Variants in HIC2 observed in about 807,000 individuals in gnomAD.
The protein encoded by HIC2 is HIC ZBTB transcriptional repressor 2.
In HIC2, 2 loss-of-function variants were observed where a neutral mutation model predicts 39.5. That is an observed-to-expected ratio of 0.05 (90% CI 0.02 to 0.16). The LOEUF (loss-of-function observed/expected upper bound fraction) is 0.16. Ranked by LOEUF, HIC2 falls within the 10% of genes least tolerant of loss-of-function variation. HIC2 has a pLI of 1.00. For synonymous variants in HIC2, 399 were observed against 368.8 expected, an observed-to-expected ratio of 1.08 and a Z score of -0.94; for missense variants, 713 against 863.5, an observed-to-expected ratio of 0.83 and a Z score of 2.18.
At chr22:21,431,963 C>T (rs1362863799) in intron 1 of HIC2, among the ~76,000 whole-genome samples, 1 of 136,900 alleles carries the variant, frequency 7.3e-6, no homozygotes, top group African/African-American at 2.6e-5. Flanking sequence ...AGAGCAAGAC[C>T]CTGTCTCCAA....
rs1427718351 is a variant in HIC2, at chr22:21,446,022, G to A, written c.1127G>A (p.Gly376Asp). 1 of 1,584,818 alleles carries A rather than the reference G, an allele frequency of 6.3e-7. No individual in the cohort carries two copies. Among genetic ancestry groups the A allele is most frequent in the South Asian group, 1.1e-5 (1 of 88,016 alleles). ...GGGGTCGGGGACAGGGTTCCCAATG[G>A]CATCCTGGCTAGTGGGGCTGGCCCT... ...GEGVGDRVPNGILASGAGPSG... is the reference protein window; with the variant it reads ...GEGVGDRVPNDILASGAGPSG... Residue 376 changes from glycine (G) to aspartate (D), a missense_variant, in exon 3 of 3, where the codon GGC becomes GAC. By Grantham distance (94) the Gly-to-Asp change is moderately conservative. This residue lies in a region of HIC2 where 457 missense variants were observed against 420.2 expected (regional missense o/e 1.09). Coordinates refer to ENST00000407464, the MANE Select transcript of HIC2 (RefSeq NM_015094.3).
At position 21,451,081 on chromosome 22, in the gene HIC2, C is replaced by G. The variant is rs1472694071; in HGVS notation, c.*4338C>G. On this transcript the variant is annotated 3_prime_UTR_variant, in exon 3 of 3. Transcript: ENST00000407464. The stretch of plus-strand genomic sequence containing the variant: ...TAGCTTCCCTCTGCCCTCTCCCACC[C>G]CGGGGGGGACCCAGGTTGGGCACTG... The G allele has an allele frequency of 1.3e-5, 2 of 152,664 alleles. No homozygotes were observed. The highest frequency in any genetic ancestry group is 4.8e-5 in the African/African-American group (2 of 41,424). 9.5% of individuals were successfully genotyped at this position (152,664 alleles called of 1,614,324 possible). A position where few individuals can be genotyped will look rare whatever the true frequency, so the allele number is the denominator to read the frequency against.
At position 21,446,153 on chromosome 22, in the gene HIC2, C is replaced by A. The variant is rs1235663645; in HGVS notation, c.1258C>A (p.His420Asn). The change falls in exon 3 of 3, where the codon CAT becomes AAT. Residue 420 changes from histidine (H) to asparagine (N), a missense_variant. Physicochemically the swap from His to Asn is moderately conservative, Grantham distance 68. Coordinates refer to ENST00000407464, the MANE Select transcript of HIC2 (RefSeq NM_015094.3). ...AQSGSEGGSG[H>N]ASAHYMYRQE... ...GAGCGGGAGCGAGGGGGGCAGCGGC[C>A]ATGCCAGCGCCCACTACATGTACCG... The A allele has an allele frequency of 6.2e-7, 1 of 1,609,144 alleles. No individual in the cohort carries two copies. Among genetic ancestry groups the A allele is most frequent in the African/African-American group, 1.3e-5 (1 of 74,940 alleles).
intron 2 of HIC2, among the ~76,000 whole-genome samples, chr22:21,443,158 G>C (rs1038204116): frequency 2.0e-5 from 3 of 152,198 alleles, no homozygotes; most frequent in African/African-American, 7.2e-5. Context: ...GGTGGGTTGA[G>C]GCGGGCAGGG....
At chr22:21,438,076 CG>C (rs1301853257) in intron 1 of HIC2, among the ~76,000 whole-genome samples, 1 of 149,582 alleles carries the variant, frequency 6.7e-6, no homozygotes, top group African/African-American at 2.5e-5. Context: ...GAGGGCTAGG[CG>C]GGATGGCCTG....
chr22:21,449,209 T>C lies in HIC2; in HGVS notation c.*2466T>C, dbSNP rs1924030405. ...GGCGGGGCGGGATTAACACAACATT[T>C]GGCTTTGTTTTCTTTTTCCTTTGAT... On this transcript the variant is annotated 3_prime_UTR_variant, in exon 3 of 3. Transcript: ENST00000407464. 1 of 152,776 alleles carries C rather than the reference T, an allele frequency of 6.5e-6. No homozygotes were observed. The highest frequency in any genetic ancestry group is 2.1e-4 in the South Asian group (1 of 4,838). 9.5% of individuals were successfully genotyped at this position (152,776 alleles called of 1,614,324 possible). A position where few individuals can be genotyped will look rare whatever the true frequency, so the allele number is the denominator to read the frequency against.
chr22:21,446,869 GC>G lies in HIC2; in HGVS notation c.*131del, dbSNP rs1381401890. The G allele has an allele frequency of 1.6e-6, 2 of 1,262,658 alleles. No homozygotes were observed. Among genetic ancestry groups the G allele is most frequent in the East Asian group, 2.5e-5 (1 of 39,510 alleles). The allele number at this position is 1,262,658 out of a possible 1,614,324, so 78.2% of individuals were successfully genotyped here. On this transcript the variant is annotated 3_prime_UTR_variant, in exon 3 of 3. Transcript: ENST00000407464. The stretch of plus-strand genomic sequence containing the variant: ...GTGGAGGCTCCGGGTGGCCCCTCTG[GC>G]CCCCACTGCCCACACCCAGAGCTTT...
rs1037820335 is a variant in HIC2 at position 21,446,740 on chromosome 22, C to T, written c.1845C>T (p.Ser615=). ...ISHLRMHTSP[S] ...ACCTGCGCATGCACACCTCCCCCTCCTAGAAGCCAAAGACCCGCGGGCGCC... is the reference window on the plus strand; with the variant it reads ...ACCTGCGCATGCACACCTCCCCCTCTTAGAAGCCAAAGACCCGCGGGCGCC... Residue 615 remains serine, a synonymous_variant, in exon 3 of 3, where the codon TCC becomes TCT. Coordinates refer to ENST00000407464, the MANE Select transcript of HIC2 (RefSeq NM_015094.3). 6.3e-7 allele frequency: 1 copy of T among 1,597,416 alleles called. No individual in the cohort carries two copies. The highest frequency in any genetic ancestry group is 8.6e-7 in the Non-Finnish European group (1 of 1,168,360).
intron 1 of HIC2, among the ~76,000 whole-genome samples, chr22:21,432,057 G>C (rs1923333010): frequency 8.1e-6 from 1 of 122,904 alleles, no homozygotes; most frequent in Admixed American, 9.4e-5. Context: ...CTTGATCCTT[G>C]ATCTTTGGCT....
rs1601337971 is a variant in HIC2, at chr22:21,447,122, A to C, written c.*379A>C. 8.4e-6 allele frequency: 2 copies of C among 238,138 alleles called. No homozygotes were observed. Among genetic ancestry groups the C allele is most frequent in the Non-Finnish European group, 8.3e-6 (1 of 120,660 alleles). 14.8% of individuals were successfully genotyped at this position (238,138 alleles called of 1,614,324 possible). A position where few individuals can be genotyped will look rare whatever the true frequency, so the allele number is the denominator to read the frequency against. ...CAGGGTGGTGTCGGGAGCAGGCCTC[A>C]CCCCGCTGGCCGTGTCTGTGTGTGT... On this transcript the variant is annotated 3_prime_UTR_variant, in exon 3 of 3. Coordinates refer to ENST00000407464, the MANE Select transcript of HIC2 (RefSeq NM_015094.3).
At position 21,447,048 on chromosome 22, in the gene HIC2, C is replaced by G. The variant is rs1923887567; in HGVS notation, c.*305C>G. The G allele has an allele frequency of 2.6e-6, 1 of 384,970 alleles. No homozygotes were observed. The highest frequency in any genetic ancestry group is 4.7e-6 in the Non-Finnish European group (1 of 212,822). 23.8% of individuals were successfully genotyped at this position (384,970 alleles called of 1,614,324 possible). A position where few individuals can be genotyped will look rare whatever the true frequency, so the allele number is the denominator to read the frequency against. Reference sequence around the variant, plus strand: ...CGTGGGTCTCGCTGGGACCTGGTCCCTTTGTTGCAGGCGGCTTGGAGAAAG... The same window carrying G: ...CGTGGGTCTCGCTGGGACCTGGTCCGTTTGTTGCAGGCGGCTTGGAGAAAG... On this transcript the variant is annotated 3_prime_UTR_variant, in exon 3 of 3. Coordinates refer to ENST00000407464, the MANE Select transcript of HIC2 (RefSeq NM_015094.3).
chr22:21,432,616 C>T (rs1442753197), intron 1 of HIC2, among the ~76,000 whole-genome samples: 6 of 107,210 alleles, frequency 5.6e-5, no homozygotes, highest in Non-Finnish European at 7.0e-5. Flanking sequence ...GCGGAGGTTG[C>T]GGTGAGCCGA....
Position 21,417,387 on chromosome 22 carries a change from G to A in HIC2, c.-247G>A, listed in dbSNP as rs1189537490. On this transcript the variant is annotated 5_prime_UTR_variant, in exon 1 of 3. Transcript: ENST00000407464. ...GCCGACGTCACAAGCTTCCAAGATG[G>A]CGCTGGGCGGGCGGCTGTGAGCGGC... is the stretch of plus-strand genomic sequence containing the variant. 2 of 148,928 alleles carry A rather than the reference G, an allele frequency of 1.3e-5. No homozygotes were observed. Among genetic ancestry groups the A allele is most frequent in the Non-Finnish European group, 3.0e-5 (2 of 66,392 alleles). The allele number at this position is 148,928 out of a possible 1,614,324, so 9.2% of individuals were successfully genotyped here.
chr22:21,445,964 C>A lies in HIC2; in HGVS notation c.1069C>A (p.Pro357Thr). The A allele has an allele frequency of 6.4e-7, 1 of 1,562,674 alleles. No homozygotes were observed. Among genetic ancestry groups the A allele is most frequent in the Non-Finnish European group, 8.6e-7 (1 of 1,157,970 alleles). ...CCCCTTTGAGCGGAGAGAAGCAGGG[C>A]CCAAGGGTCCCTGCCCGGGAGAGGA... is the stretch of plus-strand genomic sequence containing the variant. ...GSPFERREAG[P>T]KGPCPGEEGE... The change falls in exon 3 of 3, where the codon CCC becomes ACC. Residue 357 changes from proline to threonine, a missense_variant. Pro to Thr is a conservative substitution (Grantham distance 38). Transcript: ENST00000407464.
Position 21,446,975 on chromosome 22 carries a change from G to A in HIC2, c.*232G>A, listed in dbSNP as rs943964657. ...CCGTCTACCTCCCCATCCCACCCAGGCCCCCAGCTCCCCGCGGGGGCCACC... is the reference window on the plus strand; with the variant it reads ...CCGTCTACCTCCCCATCCCACCCAGACCCCCAGCTCCCCGCGGGGGCCACC... On this transcript the variant is annotated 3_prime_UTR_variant, in exon 3 of 3. Coordinates refer to ENST00000407464, the MANE Select transcript of HIC2 (RefSeq NM_015094.3). 1.5e-5 allele frequency: 9 copies of A among 605,534 alleles called. No homozygotes were observed. In the African/African-American group the frequency reaches 1.7e-4, roughly 11 times the overall value. The allele number at this position is 605,534 out of a possible 1,614,324, so 37.5% of individuals were successfully genotyped here.
Position 21,451,045 on chromosome 22 carries a change from C to G in HIC2, c.*4302C>G, listed in dbSNP as rs2148349710. On this transcript the variant is annotated 3_prime_UTR_variant, in exon 3 of 3. Coordinates refer to ENST00000407464, the MANE Select transcript of HIC2 (RefSeq NM_015094.3). ...AGGTGCTGAGGGGAGCCTCTCTACCCCACCCATCACTAGCTTCCCTCTGCC... is the reference window on the plus strand; with the variant it reads ...AGGTGCTGAGGGGAGCCTCTCTACCGCACCCATCACTAGCTTCCCTCTGCC... 1 of 152,868 alleles carries G rather than the reference C, an allele frequency of 6.5e-6. No individual in the cohort carries two copies. The allele number at this position is 152,868 out of a possible 1,614,324, so 9.5% of individuals were successfully genotyped here.
Position 21,446,260 on chromosome 22 carries a change from G to A in HIC2, c.1365G>A (p.Glu455=), listed in dbSNP as rs530869455. The A allele has an allele frequency of 6.8e-6, 11 of 1,613,302 alleles. No individual in the cohort carries two copies. The South Asian group carries it at 1.2e-4, about 18-fold the overall frequency. The change falls in exon 3 of 3, where the codon GAG becomes GAA. Residue 455 remains glutamate, a synonymous_variant. Transcript: ENST00000407464. ...IPCAKGFPSS[E]QLNAHVETHT... is the part of the protein sequence containing the mutation. The stretch of plus-strand genomic sequence containing the variant: ...GCGCCAAGGGCTTCCCCAGCTCTGA[G>A]CAGCTCAATGCGCACGTGGAGACTC...
chr22:21,446,946 C>T lies in HIC2; in HGVS notation c.*203C>T, dbSNP rs932020287. On this transcript the variant is annotated 3_prime_UTR_variant, in exon 3 of 3. Transcript: ENST00000407464. ...CCGAGAGGAGGGAAGCCAGGGGTCC[C>T]AGCCCGTCTACCTCCCCATCCCACC... 5 of 744,590 alleles carry T rather than the reference C, an allele frequency of 6.7e-6. No individual in the cohort carries two copies. Among genetic ancestry groups the T allele is most frequent in the Non-Finnish European group, 1.0e-5 (5 of 481,572 alleles). 46.1% of individuals were successfully genotyped at this position (744,590 alleles called of 1,614,324 possible).
chr22:21,451,059 C>G lies in HIC2; in HGVS notation c.*4316C>G, dbSNP rs889563143. 6.5e-6 allele frequency: 1 copy of G among 152,710 alleles called. No individual in the cohort carries two copies. Among genetic ancestry groups the G allele is most frequent in the Non-Finnish European group, 1.5e-5 (1 of 68,028 alleles). The allele number at this position is 152,710 out of a possible 1,614,324, so 9.5% of individuals were successfully genotyped here. Reference sequence around the variant, plus strand: ...GCCTCTCTACCCCACCCATCACTAGCTTCCCTCTGCCCTCTCCCACCCCGG... The same window carrying G: ...GCCTCTCTACCCCACCCATCACTAGGTTCCCTCTGCCCTCTCCCACCCCGG... On this transcript the variant is annotated 3_prime_UTR_variant, in exon 3 of 3. Transcript: ENST00000407464.
Sources: allele counts gnomAD v4.1 joint callset (sites outside exome capture counted in the v4.1 genomes callset), GRCh38; gene constraint gnomAD v4.1.1; regional missense constraint gnomAD v4.1.1; transcripts MANE v1.5; gene names NCBI Gene and HGNC (gene_info 2026-07-23, HGNC 2026-07-21).